The following DDX17 variants were observed in gnomAD, a reference collection of about 807,000 sequenced individuals.
DDX17 encodes DEAD-box helicase 17.
A neutral mutation model predicts 80.8 loss-of-function variants in DDX17; 10 were observed. The observed-to-expected ratio is 0.12, with a 90% CI of 0.08 to 0.21. DDX17 has a LOEUF of 0.21. Ranked by LOEUF, DDX17 falls within the 10% of genes least tolerant of loss-of-function variation. DDX17 has a pLI of 1.00. For synonymous variants in DDX17, 339 were observed against 336.2 expected (o/e 1.01, Z -0.09); for missense variants, 586 against 957.4 (o/e 0.61, Z 5.12).
intron 6 of DDX17, among the ~76,000 whole-genome samples, 159 bp from the exon 7 acceptor site, chr22:38,495,205 G>T (rs1454263189): frequency 1.3e-5 from 2 of 151,620 alleles, no homozygotes; most frequent in Non-Finnish European, 2.9e-5. Flanking sequence ...AAATGCAGCA[G>T]CAGCAGCCCT....
At chr22:38,495,124 G>C (rs2089747457) in intron 6 of DDX17, 78 bp from the exon 7 acceptor site, 1 of 1,450,062 alleles carries the variant, frequency 6.9e-7, no homozygotes, top group Non-Finnish European at 9.3e-7. Flanking sequence ...TTTGGGAAGA[G>C]GAGGCGGGAA....
intron 5 of DDX17, among the ~76,000 whole-genome samples, chr22:38,497,153 G>A (rs893355096): frequency 5.9e-5 from 9 of 151,444 alleles, no homozygotes; most frequent in African/African-American, 9.7e-5. Context: ...AAAATTAGCT[G>A]GGTGTGGCGG....
intron 6 of DDX17, 108 bp from the exon 7 acceptor site, chr22:38,495,154 A>G (rs2089748230): frequency 4.6e-6 from 5 of 1,079,468 alleles, no homozygotes; most frequent in South Asian, 1.6e-5. Flanking sequence ...AGGCCAGTTC[A>G]CAACCAGCCT....
At chr22:38,486,561 C>G (rs1369965830) in intron 12 of DDX17, 121 bp from the exon 13 acceptor site, 73 of 1,370,796 alleles carry the variant, frequency 5.3e-5, no homozygotes, top group Non-Finnish European at 2.0e-5. Context: ...TTATGCTGGC[C>G]AGCCTCCCAA....
At chr22:38,494,384 C>T in intron 8 of DDX17, 1 of 598,188 alleles carries the variant, frequency 1.7e-6, no homozygotes, top group Non-Finnish European at 2.9e-6. Flanking sequence ...AGCACCAAGA[C>T]ACAAAATTGT....
At chr22:38,496,174 T>C (rs182737780) in intron 5 of DDX17, among the ~76,000 whole-genome samples, 15 of 152,286 alleles carry the variant, frequency 9.8e-5, no homozygotes, top group African/African-American at 3.6e-4. Flanking sequence ...TCACTTTTAC[T>C]ATGACACATT....
Position 38,506,292 on chromosome 22 carries a change from C to A in DDX17, c.-55G>T. The A allele has an allele frequency of 6.7e-7, 1 of 1,500,466 alleles. No homozygotes were observed. The highest frequency in any genetic ancestry group is 1.3e-5 in the South Asian group (1 of 77,542). 92.9% of individuals were successfully genotyped at this position (1,500,466 alleles called of 1,614,324 possible). On this transcript the variant is annotated 5_prime_UTR_variant, in exon 1 of 13. Coordinates refer to ENST00000403230, the MANE Select transcript of DDX17 (RefSeq NM_006386.5). ...GCGGTTTAGGCGTCTCCTTCCTTCC[C>A]AGCGACTGCACAAAATGGCGGCCGC...
chr22:38,495,708 C>A (rs1165542838), intron 6 of DDX17, 88 bp downstream of exon 6: 19 of 1,175,722 alleles, frequency 1.6e-5, no homozygotes, highest in Non-Finnish European at 2.3e-6. Context: ...GAGTTTATCA[C>A]AAGAACCCAC....
Position 38,489,808 on chromosome 22 carries a change from G to C in DDX17, c.1448-1693C>G. 1 of 985,604 alleles carries C rather than the reference G, an allele frequency of 1.0e-6. No individual in the cohort carries two copies. Among genetic ancestry groups the C allele is most frequent in the Non-Finnish European group, 1.2e-6 (1 of 830,138 alleles). The allele number at this position is 985,604 out of a possible 1,614,324, so 61.1% of individuals were successfully genotyped here. ...CGGCTAGGGTCGTTGACGCAACAAA[G>C]GAAAAAAGAATTTACAGGGCCAGGG... is the stretch of plus-strand genomic sequence containing the variant. On this transcript the variant is annotated intron_variant, in intron 11 of 12. Coordinates refer to ENST00000403230, the MANE Select transcript of DDX17 (RefSeq NM_006386.5). This position sits in a 1 kb window ranked among gnomAD's most constrained non-coding sequence, Gnocchi z 4.6.
Position 38,505,935 on chromosome 22 carries a change from C to T in DDX17, c.287+16G>A, listed in dbSNP as rs539778284. ...CACCCCCACGCCAGGCCTCTCCTCTCCTCCCCCACCCTTACCCTCCACGGT... is the reference window on the plus strand; with the variant it reads ...CACCCCCACGCCAGGCCTCTCCTCTTCTCCCCCACCCTTACCCTCCACGGT... On this transcript the variant is annotated intron_variant, in intron 1 of 12. Coordinates refer to ENST00000403230, the MANE Select transcript of DDX17 (RefSeq NM_006386.5). The T allele has an allele frequency of 4.5e-6, 7 of 1,555,096 alleles. No individual in the cohort carries two copies. The African/African-American group carries it at 5.5e-5, about 12-fold the overall frequency.
Position 38,489,537 on chromosome 22 carries a change from A to G in DDX17, c.1448-1422T>C. 1.0e-6 allele frequency: 1 copy of G among 984,766 alleles called. No individual in the cohort carries two copies. The allele number at this position is 984,766 out of a possible 1,614,324, so 61.0% of individuals were successfully genotyped here. ...GGGTGATTGTAGAAAAAAATAATTAATAAAAAAAAATGTAAGTTACATCCA... is the reference window on the plus strand; with the variant it reads ...GGGTGATTGTAGAAAAAAATAATTAGTAAAAAAAAATGTAAGTTACATCCA... On this transcript the variant is annotated intron_variant, in intron 11 of 12. Coordinates refer to ENST00000403230, the MANE Select transcript of DDX17 (RefSeq NM_006386.5). This position sits in a 1 kb window ranked among gnomAD's most constrained non-coding sequence, Gnocchi z 4.6.
chr22:38,498,850 T>C (rs1273697471), intron 3 of DDX17, among the ~76,000 whole-genome samples: 7 of 152,162 alleles, frequency 4.6e-5, no homozygotes, highest in Admixed American at 2.0e-4. Flanking sequence ...ACCCTGTCTC[T>C]ACTAAAAATA....
At position 38,489,162 on chromosome 22, in the gene DDX17, T is replaced by C; in HGVS notation, c.1448-1047A>G. On this transcript the variant is annotated intron_variant, in intron 11 of 12. Coordinates refer to ENST00000403230, the MANE Select transcript of DDX17 (RefSeq NM_006386.5). The surrounding 1 kb of genome is among the most constrained non-coding windows in gnomAD (Gnocchi z 4.6). ...TTTTACAAAGAATATTCAGAAAATA[T>C]CCTAGATAAAACACAGATTTTTGTG... 6 of 985,028 alleles carry C rather than the reference T, an allele frequency of 6.1e-6. No homozygotes were observed. In the South Asian group the frequency reaches 2.8e-4, roughly 46 times the overall value. The allele number at this position is 985,028 out of a possible 1,614,324, so 61.0% of individuals were successfully genotyped here. A position where few individuals can be genotyped will look rare whatever the true frequency, so the allele number is the denominator to read the frequency against.
Position 38,489,160 on chromosome 22 carries a change from T to C in DDX17, c.1448-1045A>G, listed in dbSNP as rs2089690513. On this transcript the variant is annotated intron_variant, in intron 11 of 12. Coordinates refer to ENST00000403230, the MANE Select transcript of DDX17 (RefSeq NM_006386.5). The surrounding 1 kb of genome is among the most constrained non-coding windows in gnomAD (Gnocchi z 4.6). Reference sequence around the variant, plus strand: ...CATTTTACAAAGAATATTCAGAAAATATCCTAGATAAAACACAGATTTTTG... The same window carrying C: ...CATTTTACAAAGAATATTCAGAAAACATCCTAGATAAAACACAGATTTTTG... The C allele has an allele frequency of 1.0e-6, 1 of 984,988 alleles. No individual in the cohort carries two copies. 61.0% of individuals were successfully genotyped at this position (984,988 alleles called of 1,614,324 possible).
chr22:38,496,024 A>T (rs1335975153), intron 5 of DDX17, 87 bp from the exon 6 acceptor site: 27 of 1,249,094 alleles, frequency 2.2e-5, no homozygotes, highest in Admixed American at 1.2e-4. Context: ...CAAAAAGCTA[A>T]TTTAATTCTT....
intron 2 of DDX17, among the ~76,000 whole-genome samples, chr22:38,500,534 C>T (rs376385865): frequency 2.0e-5 from 3 of 152,020 alleles, no homozygotes; most frequent in African/African-American, 7.2e-5. Context: ...AGAGGCTGGG[C>T]GTGGTGGCTC....
At chr22:38,500,397 C>CT (rs1242035620) in intron 2 of DDX17, among the ~76,000 whole-genome samples, 1 of 151,634 alleles carries the variant, frequency 6.6e-6, no homozygotes, top group Non-Finnish European at 1.5e-5. Flanking sequence ...AATCCCAGCA[C>CT]TTTGGGAGGC....
At position 38,489,194 on chromosome 22, in the gene DDX17, A is replaced by G; in HGVS notation, c.1448-1079T>C. Reference sequence around the variant, plus strand: ...TAAAACACAGATTTTTGTGATATAAATAATTAAAAAACATTCTCTGTTTGT... The same window carrying G: ...TAAAACACAGATTTTTGTGATATAAGTAATTAAAAAACATTCTCTGTTTGT... On this transcript the variant is annotated intron_variant, in intron 11 of 12. Transcript: ENST00000403230. The surrounding 1 kb of genome is among the most constrained non-coding windows in gnomAD (Gnocchi z 4.6). 1.0e-6 allele frequency: 1 copy of G among 985,750 alleles called. No individual in the cohort carries two copies. The highest frequency in any genetic ancestry group is 1.7e-5 in the African/African-American group (1 of 57,358). 61.1% of individuals were successfully genotyped at this position (985,750 alleles called of 1,614,324 possible). A position where few individuals can be genotyped will look rare whatever the true frequency, so the allele number is the denominator to read the frequency against.
At chr22:38,505,696 C>T (rs934057371) in intron 1 of DDX17, 7 of 470,700 alleles carry the variant, frequency 1.5e-5, no homozygotes, top group African/African-American at 1.2e-4. Flanking sequence ...CCCCGCGGGG[C>T]TGGGATGGGG....
Sources: allele counts gnomAD v4.1 joint callset (sites outside exome capture counted in the v4.1 genomes callset), GRCh38; gene constraint gnomAD v4.1.1; non-coding constraint Gnocchi (gnomAD v3.1); transcripts MANE v1.5; gene names NCBI Gene and HGNC (gene_info 2026-07-23, HGNC 2026-07-21).